The following ABCA13 variants were observed in gnomAD, a reference collection of about 807,000 sequenced individuals.
ABCA13 encodes the protein ATP binding cassette subfamily A member 13.
A neutral mutation model predicts 478.7 loss-of-function variants in ABCA13; 476 were observed. The observed-to-expected ratio is 0.99, with a 90% CI of 0.92 to 1.07. The LOEUF (loss-of-function observed/expected upper bound fraction) is 1.07, where lower values mean the gene tolerates loss of function less well. Among genes scored for constraint, ABCA13 ranks in the 50% least tolerant of loss-of-function variants. The pLI is 0.00. For synonymous variants in ABCA13, 2,252 were observed against 2,158.9 expected (o/e 1.04, Z -1.20); for missense variants, 6,060 against 5,910.6 (o/e 1.03, Z -0.83).
chr7:48,315,693 T>C (rs954941323), intron 26 of ABCA13, among the ~76,000 whole-genome samples: 10 of 152,164 alleles, frequency 6.6e-5, no homozygotes, highest in Middle Eastern at 3.2e-3. Context: ...TTATCCAGGA[T>C]GGTCTCGATC....
At chr7:48,538,893 T>C (rs912278305) in intron 55 of ABCA13, among the ~76,000 whole-genome samples, 11 of 152,218 alleles carry the variant, frequency 7.2e-5, no homozygotes, top group African/African-American at 2.7e-4. Context: ...ACAAACTCTC[T>C]GTCGAAGAAC....
intron 55 of ABCA13, among the ~76,000 whole-genome samples, chr7:48,554,437 T>C (rs1785591978): frequency 6.6e-6 from 1 of 152,098 alleles, no homozygotes; most frequent in Admixed American, 6.6e-5. Context: ...CTAACAATAT[T>C]GATTCTTCCA....
intron 55 of ABCA13, among the ~76,000 whole-genome samples, chr7:48,565,815 A>G (rs1398168022): frequency 2.0e-5 from 3 of 152,126 alleles, no homozygotes; most frequent in Non-Finnish European, 4.4e-5. Context: ...TTTTGGTCAC[A>G]GGCTCAGGGC....
chr7:48,460,472 G>A (rs1268500251), intron 43 of ABCA13, among the ~76,000 whole-genome samples: 1 of 152,064 alleles, frequency 6.6e-6, no homozygotes, highest in East Asian at 1.9e-4. Flanking sequence ...TCTTCATGTG[G>A]CCTTCCTCCT....
intron 55 of ABCA13, among the ~76,000 whole-genome samples, chr7:48,542,472 G>A (rs979264904): frequency 6.6e-6 from 1 of 151,460 alleles, no homozygotes; most frequent in Non-Finnish European, 1.5e-5. Flanking sequence ...TATCTTTTGT[G>A]TCATCATACA....
Position 48,275,353 on chromosome 7 carries a change from G to A in ABCA13, c.5687G>A (p.Trp1896Ter). 1 of 1,613,912 alleles carries A rather than the reference G, an allele frequency of 6.2e-7. No homozygotes were observed. Among genetic ancestry groups the A allele is most frequent in the Non-Finnish European group, 8.5e-7 (1 of 1,179,858 alleles). ...TGCATAATTCATGAATTAGTGGACT[G>A]GAATTCTATTCTTCTGGAGCTCTCT... ...VVCIIHELVDWNSILLELSEV... is the reference protein window; with the variant it reads ...VVCIIHELVD The change falls in exon 17 of 62, where the codon TGG (tryptophan) becomes TAG (stop). Residue 1896 changes from tryptophan to a stop codon, truncating the protein, a stop_gained. Transcript: ENST00000435803. LOFTEE classifies it high-confidence loss of function.
intron 51 of ABCA13, 105 bp downstream of exon 51, chr7:48,511,304 T>C: frequency 1.1e-6 from 1 of 923,532 alleles, no homozygotes; most frequent in South Asian, 1.7e-5. Flanking sequence ...TTCCTCTCTT[T>C]TGAAGCAATT....
intron 21 of ABCA13, among the ~76,000 whole-genome samples, 168 bp downstream of exon 21, chr7:48,296,031 G>A (rs577357954): frequency 6.6e-6 from 1 of 152,256 alleles, no homozygotes; most frequent in African/African-American, 2.4e-5. Context: ...CAATTTTTGA[G>A]TGGTAAAATG....
At chr7:48,269,346 C>T (rs975303381) in intron 16 of ABCA13, among the ~76,000 whole-genome samples, 1 of 152,054 alleles carries the variant, frequency 6.6e-6, no homozygotes, top group African/African-American at 2.4e-5. Flanking sequence ...GATTTTCCTT[C>T]AATAATAACA....
At chr7:48,498,805 A>G (rs1005026594) in intron 48 of ABCA13, among the ~76,000 whole-genome samples, 1 of 152,240 alleles carries the variant, frequency 6.6e-6, no homozygotes, top group Non-Finnish European at 1.5e-5. Context: ...AACTGAAAGG[A>G]AGATCATGAA....
chr7:48,252,676 C>T (rs1311791388), intron 15 of ABCA13, among the ~76,000 whole-genome samples: 1 of 152,190 alleles, frequency 6.6e-6, no homozygotes, highest in Non-Finnish European at 1.5e-5. Flanking sequence ...TAATATTCCA[C>T]TTTGTTTATA....
intron 24 of ABCA13, among the ~76,000 whole-genome samples, chr7:48,311,915 C>A (rs1801837370): frequency 6.6e-6 from 1 of 152,204 alleles, no homozygotes; most frequent in Admixed American, 6.5e-5. Flanking sequence ...TCAATCTGGT[C>A]TCTTGGAGCT....
At chr7:48,469,176 G>A (rs1235651661) in intron 44 of ABCA13, among the ~76,000 whole-genome samples, 1 of 152,114 alleles carries the variant, frequency 6.6e-6, no homozygotes, top group Non-Finnish European at 1.5e-5. Flanking sequence ...AGATGGATAA[G>A]GTTTATTTTT....
At chr7:48,263,927 AG>A (rs1365216978) in intron 15 of ABCA13, among the ~76,000 whole-genome samples, 1 of 151,828 alleles carries the variant, frequency 6.6e-6, no homozygotes, top group African/African-American at 2.4e-5. Flanking sequence ...CACTCCCAAA[AG>A]CTTCTTCTCT....
At chr7:48,501,438 A>T (rs1320111179) in intron 48 of ABCA13, among the ~76,000 whole-genome samples, 1 of 152,162 alleles carries the variant, frequency 6.6e-6, no homozygotes, top group East Asian at 1.9e-4. Context: ...GGAACTGTAG[A>T]TCAGTGTGTT....
intron 4 of ABCA13, among the ~76,000 whole-genome samples, chr7:48,220,915 GT>G (rs1400068021): frequency 1.3e-5 from 2 of 151,754 alleles, no homozygotes; most frequent in African/African-American, 2.4e-5. Flanking sequence ...TTCTCTTCAA[GT>G]TTTTCCTTCA....
chr7:48,484,841 C>A (rs1829127886), intron 47 of ABCA13, among the ~76,000 whole-genome samples: 1 of 152,196 alleles, frequency 6.6e-6, no homozygotes, highest in Non-Finnish European at 1.5e-5. Flanking sequence ...GTGTAAAGGG[C>A]AATCTATTAT....
At chr7:48,338,749 T>C (rs1026463383) in intron 29 of ABCA13, among the ~76,000 whole-genome samples, 1 of 152,198 alleles carries the variant, frequency 6.6e-6, no homozygotes, top group African/African-American at 2.4e-5. Context: ...ACAAAACAAG[T>C]TTATAAAAGA....
rs771210224 is a variant in ABCA13 at position 48,241,066 on chromosome 7, T to C, written c.1262T>C (p.Ile421Thr). ...AAAGATAATCATACATTTCCAAAGATGTAAGTCGCATTTCCCTGTTTGATT... is the reference window on the plus strand; with the variant it reads ...AAAGATAATCATACATTTCCAAAGACGTAAGTCGCATTTCCCTGTTTGATT... ...GPKDNHTFPKILQHLWKLQSL... is the reference protein window; with the variant it reads ...GPKDNHTFPKTLQHLWKLQSL... Residue 421 changes from isoleucine to threonine, a missense_variant and splice_region_variant, in exon 10 of 62, where the codon ATA (isoleucine) becomes ACA (threonine). Ile to Thr is a moderately conservative substitution (Grantham distance 89). This residue lies in a region of ABCA13 where 4,423 missense variants were observed against 4,309.1 expected (regional missense o/e 1.03). Transcript: ENST00000435803. 1 of 1,613,958 alleles carries C rather than the reference T, an allele frequency of 6.2e-7. No homozygotes were observed. Among genetic ancestry groups the C allele is most frequent in the Non-Finnish European group, 8.5e-7 (1 of 1,179,868 alleles).
Sources: gnomAD v4.1 joint callset for allele counts (sites outside exome capture counted in the v4.1 genomes callset) on GRCh38, gnomAD v4.1.1 for gene constraint, gnomAD v4.1.1 regional missense constraint, MANE v1.5 for transcripts, NCBI Gene and HGNC (gene_info 2026-07-23, HGNC 2026-07-21) for gene names.